Variants in KIAA1217 observed in about 807,000 individuals in gnomAD.
KIAA1217 encodes KIAA1217, also known as sickle tail protein homolog.
In KIAA1217, 88 loss-of-function variants were observed where a neutral mutation model predicts 163.9. The ratio of observed to expected loss-of-function variants is 0.54; its 90% confidence interval spans 0.45 to 0.64. The LOEUF (loss-of-function observed/expected upper bound fraction) is 0.64, where lower values mean the gene tolerates loss of function less well. KIAA1217 is among the 30% of genes least tolerant of loss of function. The pLI is 0.00. For synonymous variants in KIAA1217, 903 were observed against 923.1 expected, an observed-to-expected ratio of 0.98 and a Z score of 0.39; for missense variants, 2,372 against 2,475.0, an observed-to-expected ratio of 0.96 and a Z score of 0.88.
At chr10:24,077,124 A>G (rs1282826218) in intron 2 of KIAA1217, among the ~76,000 whole-genome samples, 2 of 152,028 alleles carry the variant, frequency 1.3e-5, no homozygotes, top group African/African-American at 2.4e-5. Flanking sequence ...TGATCCACTG[A>G]CCTCAGCCTC....
chr10:24,062,984 G>A (rs910720531), intron 2 of KIAA1217, among the ~76,000 whole-genome samples: 1 of 151,826 alleles, frequency 6.6e-6, no homozygotes, highest in Non-Finnish European at 1.5e-5. Context: ...TTTCGATGGG[G>A]TTGTTTTTTT....
At chr10:23,979,529 T>C (rs1845679122) in intron 1 of KIAA1217, among the ~76,000 whole-genome samples, 1 of 152,192 alleles carries the variant, frequency 6.6e-6, no homozygotes, top group African/African-American at 2.4e-5. Flanking sequence ...TTTTCTGACT[T>C]AGGATACTTT....
intron 1 of KIAA1217, among the ~76,000 whole-genome samples, chr10:23,773,838 A>C (rs897314901): frequency 4.6e-5 from 7 of 152,172 alleles, no homozygotes; most frequent in African/African-American, 1.7e-4. Flanking sequence ...GAAGTTGCTT[A>C]TCAGCTTAAG....
intron 5 of KIAA1217, among the ~76,000 whole-genome samples, chr10:24,460,344 A>G (rs2062266049): frequency 6.6e-6 from 1 of 152,198 alleles, no homozygotes. Context: ...TAGGATACCC[A>G]TGGAACTTCT....
intron 9 of KIAA1217, among the ~76,000 whole-genome samples, chr10:24,508,232 G>A (rs139169415): frequency 1.6e-3 from 239 of 152,184 alleles, no homozygotes; most frequent in African/African-American, 5.4e-3. Context: ...AAAAATCAAC[G>A]TATTTGACCT....
At chr10:24,028,285 A>G (rs1225669942) in intron 2 of KIAA1217, among the ~76,000 whole-genome samples, 2 of 152,174 alleles carry the variant, frequency 1.3e-5, no homozygotes, top group Non-Finnish European at 2.9e-5. Context: ...TAAAAACAAA[A>G]TGTTCATCAG....
At chr10:23,853,247 C>T (rs1437630538) in intron 1 of KIAA1217, among the ~76,000 whole-genome samples, 1 of 152,060 alleles carries the variant, frequency 6.6e-6, no homozygotes, top group African/African-American at 2.4e-5. Flanking sequence ...TTGTCAAAGG[C>T]CTTTTGTGCA....
At position 24,220,949 on chromosome 10, in the gene KIAA1217, C is replaced by A. The variant is rs756653025; in HGVS notation, c.354+1040C>A. 1.8e-4 allele frequency among the ~76,000 whole-genome samples: 27 copies of A among 151,736 alleles called. 1 individual carries two copies. The highest frequency in any genetic ancestry group is 1.5e-5 in the Non-Finnish European group (1 of 67,938). ...CATTTTTTATTTTTGGTAGTAGAGA[C>A]GGGGTCTTTCTCTATTGACCAGGTT... is the stretch of plus-strand genomic sequence containing the variant. On this transcript the variant is annotated intron_variant, in intron 2 of 20. Transcript: ENST00000376454.
intron 1 of KIAA1217, among the ~76,000 whole-genome samples, chr10:23,874,546 A>C (rs1207887119): frequency 6.6e-6 from 1 of 152,002 alleles, no homozygotes; most frequent in Non-Finnish European, 1.5e-5. Flanking sequence ...AATTCACTTC[A>C]TACCCTTCAT....
intron 2 of KIAA1217, among the ~76,000 whole-genome samples, chr10:24,241,733 T>G (rs2073130669): frequency 6.6e-6 from 1 of 152,222 alleles, no homozygotes; most frequent in Non-Finnish European, 1.5e-5. Context: ...CTACATCCAT[T>G]GTATGTAAGA....
chr10:24,519,225 GTT>G (rs1473585243), intron 10 of KIAA1217, among the ~76,000 whole-genome samples: 2 of 152,120 alleles, frequency 1.3e-5, no homozygotes, highest in African/African-American at 2.4e-5. Flanking sequence ...CTTTATCCCT[GTT>G]TCCTTTGAGA....
chr10:23,901,682 G>A (rs1480915161), intron 1 of KIAA1217, among the ~76,000 whole-genome samples: 1 of 152,078 alleles, frequency 6.6e-6, no homozygotes, highest in Non-Finnish European at 1.5e-5. Flanking sequence ...ACTGAGGCGG[G>A]TGGATCACTT....
At chr10:23,923,564 G>A (rs1448240084) in intron 1 of KIAA1217, among the ~76,000 whole-genome samples, 3 of 152,148 alleles carry the variant, frequency 2.0e-5, no homozygotes, top group African/African-American at 7.2e-5. Flanking sequence ...ACTACACACA[G>A]GATAGGGTGA....
rs140917817 is a variant in KIAA1217 at position 24,334,693 on chromosome 10, C to T, written c.355-46176C>T. Among the ~76,000 whole-genome samples, 3 of 152,298 alleles carry T rather than the reference C, an allele frequency of 2.0e-5. No homozygotes were observed. The East Asian group carries it at 5.8e-4, about 29-fold the overall frequency. On this transcript the variant is annotated intron_variant, in intron 2 of 20. Transcript: ENST00000376454. ...GTGAATGAACCATGTCTACCCTGCT[C>T]ACTCACCATTGTAACTCTACTTCCA...
chr10:24,229,181 A>G (rs2071016431), intron 2 of KIAA1217, among the ~76,000 whole-genome samples: 1 of 152,234 alleles, frequency 6.6e-6, no homozygotes. Flanking sequence ...GAAGGCTGAA[A>G]AGTAAGGCTA....
At chr10:23,819,765 C>T (rs369460857) in intron 1 of KIAA1217, among the ~76,000 whole-genome samples, 3 of 152,120 alleles carry the variant, frequency 2.0e-5, no homozygotes, top group African/African-American at 7.2e-5. Context: ...AATTTTTGAA[C>T]CAGATTTCCC....
chr10:24,413,101 C>T (rs2057944739), intron 3 of KIAA1217, among the ~76,000 whole-genome samples: 1 of 152,202 alleles, frequency 6.6e-6, no homozygotes, highest in Non-Finnish European at 1.5e-5. Flanking sequence ...CTATCTAACC[C>T]TGCACTCAGG....
chr10:23,785,902 A>T (rs1353356633), intron 1 of KIAA1217, among the ~76,000 whole-genome samples: 3 of 152,174 alleles, frequency 2.0e-5, no homozygotes, highest in Non-Finnish European at 4.4e-5. Context: ...GGTGAGTGGG[A>T]TACATAAACA....
intron 1 of KIAA1217, among the ~76,000 whole-genome samples, chr10:23,822,391 A>G (rs951498522): frequency 2.0e-5 from 3 of 152,364 alleles, no homozygotes; most frequent in South Asian, 2.1e-4. Flanking sequence ...TTATTTTAAT[A>G]AATTATCTTG....
Sources: allele counts gnomAD v4.1 joint callset (sites outside exome capture counted in the v4.1 genomes callset), GRCh38; gene constraint gnomAD v4.1.1; transcripts MANE v1.5; gene names NCBI Gene and HGNC (gene_info 2026-07-23, HGNC 2026-07-21).